Variants in ADAMTS18 observed in about 807,000 individuals in gnomAD.
ADAMTS18 encodes the protein A disintegrin and metalloproteinase with thrombospondin motifs 18.
Under a neutral mutation model 165.9 loss-of-function variants are expected in ADAMTS18, and 157 were observed. The observed-to-expected ratio is 0.95, with a 90% CI of 0.83 to 1.08. ADAMTS18 has a LOEUF of 1.08. Among genes scored for constraint, ADAMTS18 ranks in the 50% least tolerant of loss-of-function variants. The pLI is 0.00. For missense variants in ADAMTS18, 2,040 were observed against 1,534.0 expected, an observed-to-expected ratio of 1.33 and a Z score of -5.51; for synonymous variants, 782 against 578.2, an observed-to-expected ratio of 1.35 and a Z score of -5.06.
intron 3 of ADAMTS18, among the ~76,000 whole-genome samples, chr16:77,383,463 TC>T (rs2057061563): frequency 6.6e-6 from 1 of 152,136 alleles, no homozygotes. Context: ...CAGATTTTTT[TC>T]ATTTGCTGTT....
In ADAMTS18 at chr16:77,363,809, T is replaced by C. The variant is rs1008266886; in HGVS notation, c.1049A>G (p.Gln350Arg). ...ATGAAGTTTGCCACTTACAGGTTCT[T>C]GTTCCAGAAGAATTAGGCTCACCAC... The part of the protein sequence containing the change: ...VVVVSLILLE[Q>R]EPGGLLINHH... The change falls in exon 6 of 23, where the codon CAA becomes CGA. Residue 350 changes from glutamine to arginine, a missense_variant. Physicochemically the swap from Gln to Arg is conservative, Grantham distance 43. Coordinates refer to ENST00000282849, the MANE Select transcript of ADAMTS18 (RefSeq NM_199355.4). The C allele has an allele frequency of 8.1e-6, 13 of 1,613,932 alleles. No homozygotes were observed. The Admixed American group carries it at 1.7e-4, about 21-fold the overall frequency.
intron 16 of ADAMTS18, among the ~76,000 whole-genome samples, chr16:77,317,559 C>G (rs1023790842): frequency 6.6e-6 from 1 of 152,224 alleles, no homozygotes; most frequent in African/African-American, 2.4e-5. Context: ...GTCTCGAACT[C>G]CTGGCCTCAA....
At chr16:77,375,749 G>C (rs530281489) in intron 3 of ADAMTS18, among the ~76,000 whole-genome samples, 7 of 152,234 alleles carry the variant, frequency 4.6e-5, no homozygotes, top group Admixed American at 1.3e-4. Context: ...CTGAGAATTG[G>C]GTATTTATAA....
At chr16:77,374,394 A>G (rs1436354592) in intron 3 of ADAMTS18, among the ~76,000 whole-genome samples, 1 of 152,138 alleles carries the variant, frequency 6.6e-6, no homozygotes, top group East Asian at 1.9e-4. Context: ...CATTCAGTGC[A>G]ATACCTTAAC....
chr16:77,314,753 C>CTTTTATATATATAT (rs1555511655), intron 16 of ADAMTS18, among the ~76,000 whole-genome samples: 1 of 36,904 alleles, frequency 2.7e-5, no homozygotes. Context: ...TCTCAGGTTT[C>CTTTTATATATATAT]ATATATATAT....
chr16:77,314,783 TATAA>T lies in ADAMTS18; in HGVS notation c.2532+5062_2532+5065del, dbSNP rs1322645955. Among the ~76,000 whole-genome samples the T allele has an allele frequency of 6.4e-4, 58 of 90,642 alleles. 7 individuals carry two copies. The highest frequency in any genetic ancestry group is 1.4e-3 in the Admixed American group (12 of 8,412). 59.5% of individuals were successfully genotyped at this position (90,642 alleles called of 152,430 possible). A position where few individuals can be genotyped will look rare whatever the true frequency, so the allele number is the denominator to read the frequency against. ...ATATATATATATATATATATATATA[TATAA>T]AATATATGTGATATGCTCAGAAGGC... On this transcript the variant is annotated intron_variant, in intron 16 of 22. Transcript: ENST00000282849.
At chr16:77,426,077 G>A (rs1299913104) in intron 3 of ADAMTS18, among the ~76,000 whole-genome samples, 2 of 151,900 alleles carry the variant, frequency 1.3e-5, no homozygotes, top group African/African-American at 2.4e-5. Flanking sequence ...AGTTGGTGGG[G>A]AGGAGTGGTC....
intron 11 of ADAMTS18, among the ~76,000 whole-genome samples, chr16:77,337,913 T>C (rs534285002): frequency 5.9e-5 from 9 of 151,420 alleles, no homozygotes; most frequent in African/African-American, 1.2e-4. Context: ...CTTTTCTTTT[T>C]TTTTTTTTTG....
intron 12 of ADAMTS18, among the ~76,000 whole-genome samples, chr16:77,326,997 T>C (rs1489440026): frequency 1.3e-5 from 2 of 152,240 alleles, no homozygotes; most frequent in African/African-American, 4.8e-5. Context: ...GACCTCCAGC[T>C]CTATCCATCT....
intron 6 of ADAMTS18, among the ~76,000 whole-genome samples, chr16:77,362,815 G>A (rs4888621): frequency 0.37 from 55,796 of 152,006 alleles, 11,136 homozygotes; most frequent in Non-Finnish European, 0.46. Flanking sequence ...CTGTTGACTT[G>A]GCCAAGTTGA....
At chr16:77,289,148 G>A (rs1403896363) in intron 22 of ADAMTS18, 116 bp downstream of exon 22, 1 of 1,350,482 alleles carries the variant, frequency 7.4e-7, no homozygotes, top group African/African-American at 1.4e-5. Context: ...ATAGACTTCG[G>A]GTGAATGGCT....
chr16:77,405,036 G>C (rs1014177933), intron 3 of ADAMTS18, among the ~76,000 whole-genome samples: 1 of 152,182 alleles, frequency 6.6e-6, no homozygotes, highest in Non-Finnish European at 1.5e-5. Context: ...TTAGCCACTG[G>C]TGAGGAAAAA....
intron 19 of ADAMTS18, among the ~76,000 whole-genome samples, chr16:77,294,077 G>A (rs149784131): frequency 6.6e-6 from 1 of 151,062 alleles, no homozygotes; most frequent in Non-Finnish European, 1.5e-5. Context: ...GGAAAACACA[G>A]AAGAACTGTC....
chr16:77,348,577 G>A (rs2056510786), intron 10 of ADAMTS18, among the ~76,000 whole-genome samples: 1 of 152,228 alleles, frequency 6.6e-6, no homozygotes, highest in South Asian at 2.1e-4. Flanking sequence ...GAGGAGGGAT[G>A]AGAGAAGAGG....
intron 3 of ADAMTS18, among the ~76,000 whole-genome samples, chr16:77,381,479 A>C (rs1280143132): frequency 6.6e-6 from 1 of 152,160 alleles, no homozygotes. Flanking sequence ...GGTCATTCTC[A>C]GAAGTGAGTG....
chr16:77,422,850 A>G (rs913257248), intron 3 of ADAMTS18, among the ~76,000 whole-genome samples: 1 of 152,208 alleles, frequency 6.6e-6, no homozygotes, highest in African/African-American at 2.4e-5. Context: ...AATACCTACC[A>G]GGTAATGCTA....
chr16:77,340,003 T>C (rs1008619633), intron 11 of ADAMTS18, among the ~76,000 whole-genome samples: 10 of 152,196 alleles, frequency 6.6e-5, no homozygotes, highest in African/African-American at 1.7e-4. Context: ...AACAACCATC[T>C]TGATGCATGT....
rs753490416 is a variant in ADAMTS18, at chr16:77,322,383, G to T, written c.2116C>A (p.Pro706Thr). Reference protein sequence around the residue: ...AMSGKVKDGTPCSPNKNDVCI... With the variant: ...AMSGKVKDGTTCSPNKNDVCI... ...ACATCATTTTTGTTTGGGGAGCAGG[G>T]AGTTCCATCTTTCACTTTGCCGGAC... The change falls in exon 14 of 23, where the codon CCC becomes ACC. Residue 706 changes from proline (P) to threonine (T), a missense_variant. Transcript: ENST00000282849. 1.2e-6 allele frequency: 2 copies of T among 1,613,884 alleles called. No individual in the cohort carries two copies. Among genetic ancestry groups the T allele is most frequent in the Admixed American group, 1.7e-5 (1 of 59,986 alleles).
chr16:77,290,809 T>C (rs1385585921), intron 21 of ADAMTS18: 3 of 186,802 alleles, frequency 1.6e-5, no homozygotes, highest in Admixed American at 5.4e-5. Context: ...GGGACCATAC[T>C]ACCCCTGAAT....
Sources: gnomAD v4.1 joint callset for allele counts (sites outside exome capture counted in the v4.1 genomes callset) on GRCh38, gnomAD v4.1.1 for gene constraint, MANE v1.5 for transcripts, NCBI Gene and HGNC (gene_info 2026-07-23, HGNC 2026-07-21) for gene names.